The following KCNB2 variants were observed in gnomAD, a reference collection of about 807,000 sequenced individuals.
The protein encoded by KCNB2 is potassium voltage-gated channel subfamily B member 2.
Under a neutral mutation model 61.5 loss-of-function variants are expected in KCNB2, and 15 were observed. The observed-to-expected ratio is 0.24, with a 90% confidence interval of 0.16 to 0.38. The LOEUF is 0.38. KCNB2 is among the 10% of genes least tolerant of loss of function. The pLI, the probability that KCNB2 is intolerant of heterozygous loss-of-function variation, is 1.00. For missense variants in KCNB2, 828 were observed against 1,125.2 expected (o/e 0.74, Z 3.78); for synonymous variants, 457 against 446.0 (o/e 1.02, Z -0.31).
chr8:72,610,636 G>A (rs1037379239), intron 2 of KCNB2, among the ~76,000 whole-genome samples: 2 of 152,144 alleles, frequency 1.3e-5, no homozygotes, highest in East Asian at 1.9e-4. Context: ...ATTTAGTAAC[G>A]TATTAATCCT....
At chr8:72,698,359 T>C (rs1046371761) in intron 2 of KCNB2, among the ~76,000 whole-genome samples, 2 of 151,976 alleles carry the variant, frequency 1.3e-5, no homozygotes, top group Admixed American at 6.6e-5. Flanking sequence ...AAAGAAATCA[T>C]AGATGACATA....
At chr8:72,733,718 A>T (rs550611404) in intron 2 of KCNB2, among the ~76,000 whole-genome samples, 2 of 152,184 alleles carry the variant, frequency 1.3e-5, no homozygotes, top group South Asian at 4.1e-4. Context: ...AAGGAAGAGG[A>T]GTGTTCTGAG....
At chr8:72,817,439 T>C (rs1321697028) in intron 2 of KCNB2, among the ~76,000 whole-genome samples, 1 of 152,190 alleles carries the variant, frequency 6.6e-6, no homozygotes, top group Non-Finnish European at 1.5e-5. Flanking sequence ...GATTTTTCTG[T>C]AATGGCTTTG....
chr8:72,902,865 G>A (rs927648444), intron 2 of KCNB2, among the ~76,000 whole-genome samples: 1 of 152,116 alleles, frequency 6.6e-6, no homozygotes, highest in Admixed American at 6.5e-5. Context: ...CTCCATCTGT[G>A]AAGAAATATA....
At chr8:72,912,514 A>ATG (rs1458368199) in intron 2 of KCNB2, among the ~76,000 whole-genome samples, 1 of 144,336 alleles carries the variant, frequency 6.9e-6, no homozygotes, top group Non-Finnish European at 1.5e-5. Flanking sequence ...ATATATATAT[A>ATG]TATGAGTAAT....
rs142286832 is a variant in KCNB2, at chr8:72,892,419, C to T, written c.580-43516C>T. Among the ~76,000 whole-genome samples the T allele has an allele frequency of 8.7e-4, 133 of 152,298 alleles. 1 individual carries two copies. The highest frequency in any genetic ancestry group is 2.9e-3 in the African/African-American group (121 of 41,562). ...AAATGACCTCTTCGGTAAATTAAAA[C>T]ATCTAAGCCTACTTCATCCTTTTTT... On this transcript the variant is annotated intron_variant, in intron 2 of 2. Coordinates refer to ENST00000523207, the MANE Select transcript of KCNB2 (RefSeq NM_004770.3).
At chr8:72,697,998 T>C (rs1807045156) in intron 2 of KCNB2, among the ~76,000 whole-genome samples, 1 of 151,998 alleles carries the variant, frequency 6.6e-6, no homozygotes, top group African/African-American at 2.4e-5. Context: ...GGTTTGAGAA[T>C]CACCATTCTG....
chr8:72,834,796 G>A (rs1585920176), intron 2 of KCNB2, among the ~76,000 whole-genome samples: 1 of 152,130 alleles, frequency 6.6e-6, no homozygotes, highest in Non-Finnish European at 1.5e-5. Context: ...TAATTACTAC[G>A]AAGATACAGA....
intron 2 of KCNB2, among the ~76,000 whole-genome samples, chr8:72,581,089 C>G (rs1268691609): frequency 6.6e-6 from 1 of 152,154 alleles, no homozygotes; most frequent in East Asian, 1.9e-4. Context: ...CTGGTCTAGA[C>G]AGGTTGTTCA....
intron 2 of KCNB2, among the ~76,000 whole-genome samples, chr8:72,867,851 C>T (rs1018982007): frequency 4.6e-5 from 7 of 152,190 alleles, no homozygotes; most frequent in East Asian, 1.9e-4. Context: ...TAGACTAGGG[C>T]GGTGGAGCAA....
chr8:72,610,319 A>T (rs1805518115), intron 2 of KCNB2, among the ~76,000 whole-genome samples: 1 of 152,174 alleles, frequency 6.6e-6, no homozygotes, highest in African/African-American at 2.4e-5. Flanking sequence ...TGTGCTTAAA[A>T]ACCGAACTCT....
At position 72,936,892 on chromosome 8, in the gene KCNB2, C is replaced by A; in HGVS notation, c.1537C>A (p.Gln513Lys). The change falls in exon 3 of 3, where the codon CAG (glutamine) becomes AAG (lysine). Residue 513 changes from glutamine (Q) to lysine (K), a missense_variant. Gln to Lys is a moderately conservative substitution (Grantham distance 53). This residue lies in a region of KCNB2 where 559 missense variants were observed against 588.4 expected (regional missense o/e 0.95). Transcript: ENST00000523207. The surrounding 1 kb of genome is among the most constrained non-coding windows in gnomAD (Gnocchi z 5.6). ...CAACAAGTCTTTCGAGAATAAGTAC[C>A]AGGAGGTTAGCCAAAAAGACTCCCA... The part of the protein sequence containing the change: ...SSNKSFENKY[Q>K]EVSQKDSHEQ... 1 of 1,614,060 alleles carries A rather than the reference C, an allele frequency of 6.2e-7. No individual in the cohort carries two copies. Among genetic ancestry groups the A allele is most frequent in the Non-Finnish European group, 8.5e-7 (1 of 1,180,006 alleles).
At chr8:72,662,454 C>G (rs180808837) in intron 2 of KCNB2, among the ~76,000 whole-genome samples, 3 of 152,236 alleles carry the variant, frequency 2.0e-5, no homozygotes, top group African/African-American at 7.2e-5. Context: ...TCGCATGACA[C>G]TGGGAAATAT....
intron 2 of KCNB2, among the ~76,000 whole-genome samples, chr8:72,611,449 C>T (rs1368031549): frequency 6.6e-6 from 1 of 152,146 alleles, no homozygotes; most frequent in African/African-American, 2.4e-5. Flanking sequence ...CACTAAAGTT[C>T]GGTATCCGAA....
chr8:72,924,288 C>T (rs1806592070), intron 2 of KCNB2, among the ~76,000 whole-genome samples: 1 of 152,118 alleles, frequency 6.6e-6, no homozygotes, highest in Non-Finnish European at 1.5e-5. Context: ...GCCCCATAGC[C>T]CATGAGAATC....
chr8:72,724,195 ACTGT>A, intron 2 of KCNB2, among the ~76,000 whole-genome samples: 1 of 152,136 alleles, frequency 6.6e-6, no homozygotes. Context: ...ATCACGTGTC[ACTGT>A]CTGCTTTGTA....
At chr8:72,678,415 C>T (rs775782745) in intron 2 of KCNB2, among the ~76,000 whole-genome samples, 1 of 152,132 alleles carries the variant, frequency 6.6e-6, no homozygotes, top group Non-Finnish European at 1.5e-5. Flanking sequence ...TTTCTTCACT[C>T]ATTCTGTTGC....
intron 2 of KCNB2, among the ~76,000 whole-genome samples, chr8:72,612,728 A>G (rs902699962): frequency 6.6e-6 from 1 of 152,164 alleles, no homozygotes; most frequent in Non-Finnish European, 1.5e-5. Flanking sequence ...TCTGAATGCT[A>G]CTGGATGAAA....
intron 2 of KCNB2, among the ~76,000 whole-genome samples, chr8:72,773,114 A>G (rs899647725): frequency 6.6e-5 from 10 of 152,194 alleles, no homozygotes; most frequent in Admixed American, 2.6e-4. Context: ...AGAGTGACAC[A>G]TAAGATCTTA....
Sources: gnomAD v4.1 joint callset for allele counts (sites outside exome capture counted in the v4.1 genomes callset) on GRCh38, gnomAD v4.1.1 for gene constraint, gnomAD v4.1.1 regional missense constraint, Gnocchi (gnomAD v3.1) non-coding constraint, MANE v1.5 for transcripts, NCBI Gene and HGNC (gene_info 2026-07-23, HGNC 2026-07-21) for gene names.